SYN3: variants seen among roughly 807,000 people sequenced by gnomAD.
SYN3 encodes the protein synapsin III.
Under a neutral mutation model 65.8 loss-of-function variants are expected in SYN3, and 35 were observed. The ratio of observed to expected loss-of-function variants is 0.53; its 90% CI spans 0.41 to 0.70. The LOEUF (loss-of-function observed/expected upper bound fraction) is 0.70. Among genes scored for constraint, SYN3 ranks in the 30% least tolerant of loss-of-function variants. SYN3 has a pLI of 0.00. For synonymous variants in SYN3, 270 were observed against 292.9 expected, an observed-to-expected ratio of 0.92 and a Z score of 0.80; for missense variants, 680 against 749.0, an observed-to-expected ratio of 0.91 and a Z score of 1.08.
chr22:32,917,680 C>A (rs910558806), intron 4 of SYN3, among the ~76,000 whole-genome samples: 14 of 152,340 alleles, frequency 9.2e-5, no homozygotes, highest in African/African-American at 3.1e-4. Context: ...ACAGTCTTTC[C>A]CATCCCCAGT....
At chr22:32,900,761 G>A (rs1485992143) in intron 4 of SYN3, among the ~76,000 whole-genome samples, 1 of 152,076 alleles carries the variant, frequency 6.6e-6, no homozygotes, top group Non-Finnish European at 1.5e-5. Flanking sequence ...TGTATACTAT[G>A]GTCATTATCT....
intron 4 of SYN3, among the ~76,000 whole-genome samples, chr22:32,928,513 T>C (rs1187719148): frequency 6.6e-6 from 1 of 152,242 alleles, no homozygotes; most frequent in Non-Finnish European, 1.5e-5. Context: ...ATTAATGCTC[T>C]GCTGAATGAG....
intron 10 of SYN3, among the ~76,000 whole-genome samples, chr22:32,529,614 T>C (rs569902779): frequency 6.6e-6 from 1 of 152,326 alleles, no homozygotes; most frequent in African/African-American, 2.4e-5. Flanking sequence ...CCCCTTCTGC[T>C]GTTTTTACAA....
At chr22:32,516,080 G>A (rs1168421080) in intron 13 of SYN3, among the ~76,000 whole-genome samples, 1 of 152,214 alleles carries the variant, frequency 6.6e-6, no homozygotes, top group Non-Finnish European at 1.5e-5. Flanking sequence ...TTACAGGCAT[G>A]AGCCATCGCA....
intron 6 of SYN3, among the ~76,000 whole-genome samples, chr22:32,812,520 TTG>T (rs2046942926): frequency 2.0e-5 from 3 of 152,084 alleles, no homozygotes; most frequent in Admixed American, 2.0e-4. Flanking sequence ...TTGGTAAAAA[TTG>T]AACCTCATTA....
chr22:32,568,309 G>C (rs2058700903), intron 7 of SYN3, among the ~76,000 whole-genome samples: 2 of 152,256 alleles, frequency 1.3e-5, no homozygotes, highest in Non-Finnish European at 2.9e-5. Context: ...TTCCTCCTCT[G>C]GACTTCCACA....
At chr22:32,666,458 G>A (rs2060291430) in intron 6 of SYN3, among the ~76,000 whole-genome samples, 1 of 152,092 alleles carries the variant, frequency 6.6e-6, no homozygotes, top group African/African-American at 2.4e-5. Flanking sequence ...TGGCCACCTT[G>A]CTCTTTCTCC....
intron 6 of SYN3, among the ~76,000 whole-genome samples, chr22:32,770,884 G>A (rs796163751): frequency 2.2e-4 from 12 of 55,672 alleles, no homozygotes; most frequent in African/African-American, 1.2e-3. Flanking sequence ...TATGTGTTCA[G>A]TTATTATTAT....
chr22:32,869,330 T>TTCTCTCTCTCTCTC (rs59752570), intron 4 of SYN3, among the ~76,000 whole-genome samples: 7,339 of 120,528 alleles, frequency 0.061, 360 homozygotes, highest in South Asian at 0.11. Flanking sequence ...ACTATATATA[T>TTCTCTCTCTCTCTC]TCTCTCTCTC....
chr22:32,998,541 A>G (rs904234623), intron 2 of SYN3, among the ~76,000 whole-genome samples: 4 of 152,164 alleles, frequency 2.6e-5, no homozygotes, highest in African/African-American at 9.7e-5. Flanking sequence ...CAGGAGAGCC[A>G]GGGCTCCAGA....
intron 6 of SYN3, among the ~76,000 whole-genome samples, chr22:32,794,938 G>A (rs187473226): frequency 1.3e-5 from 2 of 152,280 alleles, no homozygotes; most frequent in East Asian, 1.9e-4. Context: ...CAGAGAAACC[G>A]ATAGCTGGAA....
intron 6 of SYN3, among the ~76,000 whole-genome samples, chr22:32,679,048 CTTTTTTTTTTTTT>C (rs145971116): frequency 3.5e-5 from 3 of 85,658 alleles, no homozygotes; most frequent in Non-Finnish European, 4.2e-5. Context: ...TTGTTTCTTT[CTTTTTTTTTTTTT>C]TTTTTTTTTG....
chr22:32,993,963 T>G (rs1426575571), intron 2 of SYN3, among the ~76,000 whole-genome samples: 5 of 151,850 alleles, frequency 3.3e-5, no homozygotes, highest in African/African-American at 1.2e-4. Flanking sequence ...AGCTCCTGTT[T>G]CCGAGGGTGA....
At chr22:32,714,370 A>C (rs556615554) in intron 6 of SYN3, among the ~76,000 whole-genome samples, 1 of 152,270 alleles carries the variant, frequency 6.6e-6, no homozygotes, top group South Asian at 2.1e-4. Flanking sequence ...GCTGGTCTCT[A>C]AGGACCCTTT....
At chr22:32,868,161 T>C (rs1460510306) in intron 5 of SYN3, among the ~76,000 whole-genome samples, 1 of 152,138 alleles carries the variant, frequency 6.6e-6, no homozygotes. Context: ...ACATAGTAAG[T>C]GCTCAATAAA....
chr22:32,929,059 G>A (rs894141241), intron 4 of SYN3, among the ~76,000 whole-genome samples: 3 of 152,274 alleles, frequency 2.0e-5, no homozygotes, highest in Admixed American at 1.3e-4. Context: ...AAGGCCGGGG[G>A]ATCTCCTCAG....
chr22:32,859,453 T>C (rs949483358), intron 6 of SYN3: 107 of 1,519,140 alleles, frequency 7.0e-5, no homozygotes, highest in Non-Finnish European at 8.7e-5. Flanking sequence ...TCCCAGATGA[T>C]GACAATGAAA....
chr22:32,627,250 G>A (rs1466413148), intron 6 of SYN3, among the ~76,000 whole-genome samples: 2 of 152,144 alleles, frequency 1.3e-5, no homozygotes, highest in African/African-American at 2.4e-5. Context: ...AACACAGGAA[G>A]GGCTGCGTTT....
At chr22:32,628,599 T>C (rs1184071781) in intron 6 of SYN3, among the ~76,000 whole-genome samples, 1 of 152,124 alleles carries the variant, frequency 6.6e-6, no homozygotes, top group Non-Finnish European at 1.5e-5. Context: ...TCATTTAAAT[T>C]TGGCCGGGCG....
Sources: gnomAD v4.1 joint callset for allele counts (sites outside exome capture counted in the v4.1 genomes callset) on GRCh38, gnomAD v4.1.1 for gene constraint, MANE v1.5 for transcripts, NCBI Gene and HGNC (gene_info 2026-07-23, HGNC 2026-07-21) for gene names.